NNMT: variants seen among roughly 807,000 people sequenced by gnomAD.
NNMT encodes the protein nicotinamide N-methyltransferase.
Under a neutral mutation model 11.7 loss-of-function variants are expected in NNMT, and 10 were observed. The ratio of observed to expected loss-of-function variants is 0.85; its 90% CI spans 0.53 to 1.45. The LOEUF (loss-of-function observed/expected upper bound fraction) is 1.45, where lower values mean the gene tolerates loss of function less well. Ranked by LOEUF, NNMT falls within the 40% of genes most tolerant of loss-of-function variation. The pLI is 0.00. For synonymous variants in NNMT, 143 were observed against 133.8 expected (o/e 1.07, Z -0.48); for missense variants, 381 against 319.4 (o/e 1.19, Z -1.47).
chr11:114,312,906 C>A lies in NNMT; in HGVS notation c.*429C>A, dbSNP rs1945567782. ...CTTGCCTTCTCCCTGGAGAGGCTAC[C>A]AAACCCTGGCCTCTGCCGCTGTTCA... is the stretch of plus-strand genomic sequence containing the variant. On this transcript the variant is annotated 3_prime_UTR_variant, in exon 3 of 3. Coordinates refer to ENST00000299964, the MANE Select transcript of NNMT (RefSeq NM_006169.3). The A allele has an allele frequency of 1.8e-5, 3 of 165,852 alleles. No individual in the cohort carries two copies. In the South Asian group the frequency reaches 5.0e-4, roughly 28 times the overall value. 10.3% of individuals were successfully genotyped at this position (165,852 alleles called of 1,614,324 possible).
chr11:114,293,458 C>G (rs1945348824), upstream of NNMT, among the ~76,000 whole-genome samples: 1 of 152,080 alleles, frequency 6.6e-6, no homozygotes, highest in Non-Finnish European at 1.5e-5. Context: ...CTCCAACCAA[C>G]AGTGTACAAG....
Position 114,280,951 on chromosome 11 carries a change from C to A in NNMT, c.-129-15477C>A, listed in dbSNP as rs563519141. Among the ~76,000 whole-genome samples, 97 of 152,266 alleles carry A rather than the reference C, an allele frequency of 6.4e-4. 1 individual carries two copies. The highest frequency in any genetic ancestry group is 2.2e-3 in the African/African-American group (92 of 41,556). On this transcript the variant is annotated intron_variant, in intron 2 of 4. Transcript: ENST00000535401. Reference sequence around the variant, plus strand: ...CCAGGAAGAGGAAGGCCGCAGCCAGCGCAGAGTGCCCTGACCTCCACCCGG... The same window carrying A: ...CCAGGAAGAGGAAGGCCGCAGCCAGAGCAGAGTGCCCTGACCTCCACCCGG...
intron 2 of NNMT, among the ~76,000 whole-genome samples, chr11:114,289,952 C>T (rs1413201060): frequency 2.0e-5 from 3 of 152,142 alleles, no homozygotes; most frequent in African/African-American, 7.2e-5. Context: ...GGGCCTGTTT[C>T]CTTCTTCGTA....
chr11:114,285,684 T>C (rs940934610), intron 2 of NNMT, among the ~76,000 whole-genome samples: 3 of 152,234 alleles, frequency 2.0e-5, no homozygotes, highest in African/African-American at 7.2e-5. Flanking sequence ...CTTGGAATTC[T>C]TTCCTGGCGA....
At chr11:114,311,875 C>T (rs1264554391) in intron 2 of NNMT, among the ~76,000 whole-genome samples, 170 bp from the exon 3 acceptor site, 2 of 152,186 alleles carry the variant, frequency 1.3e-5, no homozygotes, top group African/African-American at 4.8e-5. Context: ...AATATGGTCT[C>T]ATTCAAATGC....
At chr11:114,285,501 A>G (rs749747978) in intron 2 of NNMT, among the ~76,000 whole-genome samples, 2 of 152,174 alleles carry the variant, frequency 1.3e-5, no homozygotes, top group Non-Finnish European at 2.9e-5. Context: ...TCAGCTCTGG[A>G]CTCACCATAT....
chr11:114,277,489 T>C (rs903354847), intron 2 of NNMT, among the ~76,000 whole-genome samples: 1 of 152,208 alleles, frequency 6.6e-6, no homozygotes, highest in East Asian at 1.9e-4. Context: ...GAGGAGGTAC[T>C]TGGGGAAAGA....
intron 1 of NNMT, among the ~76,000 whole-genome samples, chr11:114,261,020 G>C (rs1277441378): frequency 6.6e-6 from 1 of 152,216 alleles, no homozygotes; most frequent in African/African-American, 2.4e-5. Flanking sequence ...GTAACGACGT[G>C]AATCAGCTTT....
At position 114,312,172 on chromosome 11, in the gene NNMT, C is replaced by G; in HGVS notation, c.490C>G (p.Leu164Val). The G allele has an allele frequency of 1.9e-6, 3 of 1,614,226 alleles. No homozygotes were observed. Among genetic ancestry groups the G allele is most frequent in the Non-Finnish European group, 8.5e-7 (1 of 1,180,034 alleles). The change falls in exon 3 of 3, where the codon CTG becomes GTG. Residue 164 changes from leucine (L) to valine (V), a missense_variant. Physicochemically the swap from Leu to Val is conservative, Grantham distance 32. Transcript: ENST00000299964. Reference protein sequence around the residue: ...LPPADCVLSTLCLDAACPDLP... With the variant: ...LPPADCVLSTVCLDAACPDLP... ...CCCGGCTGACTGCGTGCTCAGCACA[C>G]TGTGTCTGGATGCCGCCTGCCCAGA... is the stretch of plus-strand genomic sequence containing the variant.
At chr11:114,282,386 G>A (rs994325906) in intron 2 of NNMT, among the ~76,000 whole-genome samples, 6 of 152,120 alleles carry the variant, frequency 3.9e-5, no homozygotes, top group African/African-American at 1.4e-4. Context: ...ATATTTTCTA[G>A]AATATACAAG....
intron 2 of NNMT, among the ~76,000 whole-genome samples, chr11:114,300,878 G>A (rs558234502): frequency 8.8e-4 from 134 of 152,172 alleles, no homozygotes; most frequent in Non-Finnish European, 1.5e-3. Flanking sequence ...TGGTGTGGTG[G>A]GCAGCCTCTA....
intron 2 of NNMT, among the ~76,000 whole-genome samples, chr11:114,272,284 A>G (rs1014025120): frequency 1.3e-5 from 2 of 151,638 alleles, no homozygotes; most frequent in Non-Finnish European, 1.5e-5. Flanking sequence ...GGATTCCTCT[A>G]TTTACTGTGG....
intron 2 of NNMT, among the ~76,000 whole-genome samples, chr11:114,287,563 T>C (rs1233881835): frequency 2.0e-5 from 3 of 152,186 alleles, no homozygotes; most frequent in Non-Finnish European, 4.4e-5. Flanking sequence ...AAAGTACAGG[T>C]CTGTTTATGG....
intron 2 of NNMT, among the ~76,000 whole-genome samples, chr11:114,286,281 A>G (rs1197189927): frequency 6.6e-6 from 1 of 152,194 alleles, no homozygotes; most frequent in Non-Finnish European, 1.5e-5. Flanking sequence ...TGTGAGATGC[A>G]TCTACAGAAA....
At chr11:114,291,673 G>C (rs1945336386), upstream of NNMT, among the ~76,000 whole-genome samples, 1 of 152,044 alleles carries the variant, frequency 6.6e-6, no homozygotes, top group African/African-American at 2.4e-5. Context: ...CAGCAGCTGT[G>C]CTTTCTCATC....
intron 2 of NNMT, among the ~76,000 whole-genome samples, chr11:114,286,152 C>G (rs1233920389): frequency 6.6e-6 from 1 of 152,168 alleles, no homozygotes; most frequent in African/African-American, 2.4e-5. Flanking sequence ...AAAAGAAACA[C>G]TAGGTCCTGC....
intron 1 of NNMT, among the ~76,000 whole-genome samples, chr11:114,259,994 A>C (rs1196391696): frequency 1.3e-5 from 2 of 152,080 alleles, no homozygotes; most frequent in Non-Finnish European, 2.9e-5. Context: ...ATGAGAAATC[A>C]CTGACTTCAT....
chr11:114,288,721 T>C (rs10400393), intron 2 of NNMT, among the ~76,000 whole-genome samples: 45,646 of 152,046 alleles, frequency 0.3, 7,144 homozygotes, highest in South Asian at 0.45. Flanking sequence ...GGGATAATAA[T>C]AGCCCTTAAC....
At chr11:114,281,038 C>G (rs961336954) in intron 2 of NNMT, among the ~76,000 whole-genome samples, 1 of 152,186 alleles carries the variant, frequency 6.6e-6, no homozygotes, top group Non-Finnish European at 1.5e-5. Context: ...AAAGCCAACC[C>G]AGACCTGCTG....
Sources: gnomAD v4.1 joint callset for allele counts (sites outside exome capture counted in the v4.1 genomes callset) on GRCh38, gnomAD v4.1.1 for gene constraint, MANE v1.5 for transcripts, NCBI Gene and HGNC (gene_info 2026-07-23, HGNC 2026-07-21) for gene names.